CPNE4: variants seen among roughly 807,000 people sequenced by gnomAD.
CPNE4 encodes copine 4.
A neutral mutation model predicts 67.9 loss-of-function variants in CPNE4; 25 were observed. The ratio of observed to expected loss-of-function variants is 0.37; its 90% CI spans 0.27 to 0.51. CPNE4 has a LOEUF of 0.51. Among genes scored for constraint, CPNE4 ranks in the 20% least tolerant of loss-of-function variants. The pLI is 0.93. For synonymous variants in CPNE4, 242 were observed against 244.9 expected (o/e 0.99, Z 0.11); for missense variants, 464 against 690.8 (o/e 0.67, Z 3.68).
intron 2 of CPNE4, among the ~76,000 whole-genome samples, chr3:131,819,345 T>C (rs2084867447): frequency 6.6e-6 from 1 of 152,120 alleles, no homozygotes; most frequent in South Asian, 2.1e-4. Flanking sequence ...AAGAGAACAA[T>C]TTGATCTCAA....
chr3:131,992,959 C>G (rs2073203587), intron 1 of CPNE4, among the ~76,000 whole-genome samples: 2 of 136,320 alleles, frequency 1.5e-5, no homozygotes, highest in South Asian at 5.2e-4. Flanking sequence ...CCTCCTTAGC[C>G]ACGCTGAACT....
At chr3:131,773,584 G>A (rs2083222831) in intron 2 of CPNE4, among the ~76,000 whole-genome samples, 2 of 152,032 alleles carry the variant, frequency 1.3e-5, no homozygotes, top group South Asian at 4.1e-4. Flanking sequence ...CTGATCTCAA[G>A]AGATCCGCCT....
At chr3:131,923,704 C>CAAAAAAAAAAAAAAAAAAAAAAAAAA (rs3041574) in intron 1 of CPNE4, among the ~76,000 whole-genome samples, 1 of 39,288 alleles carries the variant, frequency 2.5e-5, no homozygotes, top group East Asian at 1.1e-3. Flanking sequence ...GACTCCGTCT[C>CAAAAAAAAAAAAAAAAAAAAAAAAAA]AAAAAAAAAA....
At chr3:131,683,615 G>A (rs111662211) in intron 6 of CPNE4, among the ~76,000 whole-genome samples, 9 of 152,224 alleles carry the variant, frequency 5.9e-5, no homozygotes, top group African/African-American at 2.2e-4. Flanking sequence ...CCTTGGTGGT[G>A]CATGCACCTG....
intron 2 of CPNE4, among the ~76,000 whole-genome samples, chr3:131,791,259 T>C (rs111864762): frequency 6.0e-4 from 91 of 152,318 alleles, no homozygotes; most frequent in African/African-American, 2.0e-3. Context: ...TAAATTGACA[T>C]GAATGGAAGT....
intron 10 of CPNE4, among the ~76,000 whole-genome samples, chr3:131,566,253 G>T (rs1221682088): frequency 6.6e-6 from 1 of 151,818 alleles, no homozygotes; most frequent in Non-Finnish European, 1.5e-5. Flanking sequence ...AACTCTTCGT[G>T]ACCAAAATGG....
At chr3:131,571,704 T>C (rs1937345157) in intron 10 of CPNE4, among the ~76,000 whole-genome samples, 1 of 151,914 alleles carries the variant, frequency 6.6e-6, no homozygotes, top group African/African-American at 2.4e-5. Flanking sequence ...GCTTCATCTC[T>C]CGTTCCCCCA....
At chr3:131,922,840 G>A (rs916833309) in intron 1 of CPNE4, among the ~76,000 whole-genome samples, 1 of 152,264 alleles carries the variant, frequency 6.6e-6, no homozygotes, top group East Asian at 1.9e-4. Flanking sequence ...AAAGTGTTAT[G>A]TCTGTTTCTA....
intron 2 of CPNE4, among the ~76,000 whole-genome samples, chr3:131,744,407 A>G (rs1158212235): frequency 6.6e-6 from 1 of 152,204 alleles, no homozygotes; most frequent in Non-Finnish European, 1.5e-5. Context: ...GTAGATTCAC[A>G]TTCAATTGTA....
At chr3:131,650,601 C>T (rs908130231) in intron 7 of CPNE4, among the ~76,000 whole-genome samples, 3 of 149,810 alleles carry the variant, frequency 2.0e-5, no homozygotes, top group Non-Finnish European at 2.9e-5. Flanking sequence ...AAAAATTAGC[C>T]GGGCGTGGTG....
At chr3:131,538,225 C>T (rs1180452734) in intron 15 of CPNE4, among the ~76,000 whole-genome samples, 1 of 152,210 alleles carries the variant, frequency 6.6e-6, no homozygotes, top group Non-Finnish European at 1.5e-5. Flanking sequence ...TATGGGAGGT[C>T]TTAGTCTCAC....
intron 2 of CPNE4, among the ~76,000 whole-genome samples, chr3:131,785,795 A>G (rs11924586): frequency 0.25 from 37,416 of 151,444 alleles, 4,935 homozygotes; most frequent in South Asian, 0.31. Context: ...CAGGGTTTGG[A>G]GGTGTCCCTA....
chr3:131,870,826 C>T (rs535536195), intron 2 of CPNE4, among the ~76,000 whole-genome samples: 32 of 152,236 alleles, frequency 2.1e-4, no homozygotes, highest in South Asian at 4.1e-4. Context: ...ACATTAGAGA[C>T]GCACATAGAG....
intron 2 of CPNE4, among the ~76,000 whole-genome samples, chr3:131,793,966 C>T (rs1405652086): frequency 3.3e-5 from 5 of 152,184 alleles, no homozygotes; most frequent in African/African-American, 1.2e-4. Flanking sequence ...TAAGAAGCAA[C>T]AGAATTATCA....
intron 7 of CPNE4, among the ~76,000 whole-genome samples, chr3:131,666,203 GA>G (rs2080257066): frequency 6.6e-6 from 1 of 152,056 alleles, no homozygotes; most frequent in African/African-American, 2.4e-5. Context: ...AATCTTTTCT[GA>G]ATATTCCCTG....
chr3:132,006,094 C>T (rs1317194), intron 1 of CPNE4, among the ~76,000 whole-genome samples: 147 of 152,184 alleles, frequency 9.7e-4, no homozygotes, highest in African/African-American at 3.3e-3. Context: ...CTGATCTCAA[C>T]GTATTGTTGT....
chr3:131,739,438 CT>C (rs1451831139), intron 2 of CPNE4, among the ~76,000 whole-genome samples: 1 of 152,194 alleles, frequency 6.6e-6, no homozygotes, highest in African/African-American at 2.4e-5. Flanking sequence ...CTGCTTCCCC[CT>C]GTGGCTGTGC....
chr3:131,896,313 G>C (rs535646284), intron 2 of CPNE4, among the ~76,000 whole-genome samples: 1 of 151,994 alleles, frequency 6.6e-6, no homozygotes, highest in African/African-American at 2.4e-5. Flanking sequence ...TGTAGCTATT[G>C]TATGGGCTTC....
intron 1 of CPNE4, among the ~76,000 whole-genome samples, chr3:132,016,458 C>G (rs771416269): frequency 7.9e-5 from 12 of 152,194 alleles, no homozygotes; most frequent in Non-Finnish European, 1.5e-4. Flanking sequence ...CTGAGATAGA[C>G]TAGATGGCTC....
Sources: gnomAD v4.1 joint callset for allele counts (sites outside exome capture counted in the v4.1 genomes callset) on GRCh38, gnomAD v4.1.1 for gene constraint, MANE v1.5 for transcripts, NCBI Gene and HGNC (gene_info 2026-07-23, HGNC 2026-07-21) for gene names.